TANC1: variants seen among roughly 807,000 people sequenced by gnomAD.
The protein encoded by TANC1 is protein TANC1.
A neutral mutation model predicts 149.7 loss-of-function variants in TANC1; 77 were observed. The observed-to-expected ratio is 0.51, with a 90% CI of 0.43 to 0.62. The LOEUF (loss-of-function observed/expected upper bound fraction) is 0.62, where lower values mean the gene tolerates loss of function less well. TANC1 is among the 20% of genes least tolerant of loss of function. TANC1 has a pLI of 0.00. For missense variants in TANC1, 1,985 were observed against 2,321.8 expected (o/e 0.85, Z 2.98); for synonymous variants, 854 against 925.0 (o/e 0.92, Z 1.39).
chr2:159,167,488 C>T (rs1294206140), intron 8 of TANC1, among the ~76,000 whole-genome samples: 1 of 152,198 alleles, frequency 6.6e-6, no homozygotes, highest in East Asian at 1.9e-4. Flanking sequence ...ACATTCGATC[C>T]ATTTAAAATC....
chr2:158,977,640 C>A (rs1393763741), intron 1 of TANC1, among the ~76,000 whole-genome samples: 5 of 150,540 alleles, frequency 3.3e-5, no homozygotes, highest in Admixed American at 3.3e-4. Flanking sequence ...AACTGATAGT[C>A]CTGCGTGATC....
At chr2:159,160,650 T>C (rs912065503) in intron 7 of TANC1, among the ~76,000 whole-genome samples, 43 of 152,170 alleles carry the variant, frequency 2.8e-4, no homozygotes, top group African/African-American at 9.9e-4. Context: ...CTTCCACCTG[T>C]GTAGGCTACA....
At chr2:159,113,540 C>T (rs2047961544) in intron 4 of TANC1, among the ~76,000 whole-genome samples, 1 of 152,176 alleles carries the variant, frequency 6.6e-6, no homozygotes, top group Non-Finnish European at 1.5e-5. Flanking sequence ...AAGAATGCTG[C>T]CCTTGCCATG....
intron 4 of TANC1, among the ~76,000 whole-genome samples, chr2:159,122,928 C>T (rs1468731499): frequency 2.0e-5 from 3 of 152,062 alleles, no homozygotes; most frequent in Non-Finnish European, 2.9e-5. Flanking sequence ...AGTGGTAGCT[C>T]ATTGTCCAAG....
intron 5 of TANC1, among the ~76,000 whole-genome samples, chr2:159,144,935 A>G (rs986164225): frequency 6.6e-6 from 1 of 152,220 alleles, no homozygotes; most frequent in South Asian, 2.1e-4. Context: ...TATTAAGTCA[A>G]CTTCGAGGTC....
At chr2:159,061,493 GC>G (rs759876430) in intron 2 of TANC1, among the ~76,000 whole-genome samples, 29 of 152,244 alleles carry the variant, frequency 1.9e-4, no homozygotes, top group Non-Finnish European at 3.7e-4. Flanking sequence ...CTTGCTAAGG[GC>G]CCCCACCCCA....
chr2:159,192,714 A>G (rs1053418564), intron 16 of TANC1, among the ~76,000 whole-genome samples: 4 of 152,260 alleles, frequency 2.6e-5, no homozygotes, highest in Admixed American at 2.0e-4. Context: ...CAGTGACGTA[A>G]TCTTGGCTCA....
chr2:159,184,462 G>T (rs548233574), intron 14 of TANC1, among the ~76,000 whole-genome samples: 8 of 152,272 alleles, frequency 5.3e-5, no homozygotes, highest in African/African-American at 1.7e-4. Context: ...GGGGTGTGTG[G>T]TCATCACCCT....
At chr2:159,159,602 C>T (rs1002017314) in intron 7 of TANC1, among the ~76,000 whole-genome samples, 1 of 151,932 alleles carries the variant, frequency 6.6e-6, no homozygotes, top group African/African-American at 2.4e-5. Flanking sequence ...GTAATGAGCA[C>T]CATGCAAGCA....
chr2:159,187,614 G>A (rs1164289245), intron 16 of TANC1, among the ~76,000 whole-genome samples: 1 of 152,120 alleles, frequency 6.6e-6, no homozygotes, highest in Non-Finnish European at 1.5e-5. Context: ...CTGGGAATCT[G>A]AAGCACACAG....
At chr2:159,093,595 C>A (rs1281915957) in intron 3 of TANC1, among the ~76,000 whole-genome samples, 1 of 152,188 alleles carries the variant, frequency 6.6e-6, no homozygotes, top group African/African-American at 2.4e-5. Flanking sequence ...CATAAAACTT[C>A]TCTCCCTACT....
intron 2 of TANC1, among the ~76,000 whole-genome samples, chr2:159,017,958 T>C (rs941782401): frequency 1.3e-5 from 2 of 152,186 alleles, no homozygotes; most frequent in African/African-American, 2.4e-5. Flanking sequence ...TGTTCTCCTA[T>C]GTGTGTTGAT....
intron 1 of TANC1, among the ~76,000 whole-genome samples, chr2:158,971,862 A>T (rs908511664): frequency 6.6e-6 from 1 of 152,234 alleles, no homozygotes; most frequent in African/African-American, 2.4e-5. Context: ...TGTATCATCT[A>T]TAAATAGTTG....
Position 159,230,386 on chromosome 2 carries a change from G to A in TANC1, c.4960G>A (p.Val1654Met), listed in dbSNP as rs201655824. 187 of 1,614,130 alleles carry A rather than the reference G, an allele frequency of 1.2e-4. 1 individual carries two copies. The highest frequency in any genetic ancestry group is 7.2e-4 in the South Asian group (66 of 91,072). ...AGGTGGGCTGGCGACCTGCAGCGAC[G>A]TGCGACACCCAGCTTCCCTCACCAG... ...NQGGLATCSD[V>M]RHPASLTSSG... Residue 1654 changes from valine (V) to methionine (M), a missense_variant, in exon 27 of 27, where the codon GTG becomes ATG. Physicochemically the swap from Val to Met is conservative, Grantham distance 21. Coordinates refer to ENST00000263635, the MANE Select transcript of TANC1 (RefSeq NM_033394.3). This position sits in a 1 kb window ranked among gnomAD's most constrained non-coding sequence, Gnocchi z 4.4.
chr2:159,178,596 A>G lies in TANC1; in HGVS notation c.1943A>G (p.Asp648Gly). ...CTGCCATTTGTCAAGCTTTCCTTAG[A>G]TGACTTCCCAGACAACAAAGACATC... ...SALPFVKLSL[D>G]DFPDNKDIHS... The change falls in exon 14 of 27, where the codon GAT becomes GGT. Residue 648 changes from aspartate (D) to glycine (G), a missense_variant. Transcript: ENST00000263635. 6.2e-7 allele frequency: 1 copy of G among 1,601,538 alleles called. No homozygotes were observed. Among genetic ancestry groups the G allele is most frequent in the South Asian group, 1.1e-5 (1 of 88,576 alleles).
intron 3 of TANC1, among the ~76,000 whole-genome samples, chr2:159,097,083 CTGTT>C (rs2046220439): frequency 6.6e-6 from 1 of 151,970 alleles, no homozygotes; most frequent in Non-Finnish European, 1.5e-5. Context: ...TGGTTTGGGG[CTGTT>C]TGAGTTTTAG....
intron 2 of TANC1, among the ~76,000 whole-genome samples, chr2:159,052,508 C>T (rs1053726832): frequency 2.0e-5 from 3 of 152,118 alleles, no homozygotes; most frequent in African/African-American, 4.8e-5. Context: ...GTGGGCCCCT[C>T]GATCTTGGAC....
intron 19 of TANC1, among the ~76,000 whole-genome samples, chr2:159,216,941 GT>G (rs2059387255): frequency 6.6e-6 from 1 of 152,180 alleles, no homozygotes; most frequent in African/African-American, 2.4e-5. Context: ...ACCAACCTGT[GT>G]TTGCATTGCA....
At chr2:159,214,905 T>C (rs1217598874) in intron 19 of TANC1, among the ~76,000 whole-genome samples, 1 of 152,180 alleles carries the variant, frequency 6.6e-6, no homozygotes, top group African/African-American at 2.4e-5. Flanking sequence ...AAACAGGCCA[T>C]CATCTGGGTG....
Sources: gnomAD v4.1 joint callset for allele counts (sites outside exome capture counted in the v4.1 genomes callset) on GRCh38, gnomAD v4.1.1 for gene constraint, Gnocchi (gnomAD v3.1) non-coding constraint, MANE v1.5 for transcripts, NCBI Gene and HGNC (gene_info 2026-07-23, HGNC 2026-07-21) for gene names.